PSD4: variants seen among roughly 807,000 people sequenced by gnomAD.
PSD4 encodes pleckstrin and Sec7 domain containing 4, also known as PH and SEC7 domain-containing protein 4.
Under a neutral mutation model 112.5 loss-of-function variants are expected in PSD4, and 59 were observed. The ratio of observed to expected loss-of-function variants is 0.52; its 90% CI spans 0.43 to 0.65. The LOEUF (loss-of-function observed/expected upper bound fraction) is 0.65, where lower values mean the gene tolerates loss of function less well. PSD4 is among the 30% of genes least tolerant of loss of function. The pLI is 0.00. For synonymous variants in PSD4, 533 were observed against 540.0 expected (o/e 0.99, Z 0.18); for missense variants, 1,267 against 1,352.6 (o/e 0.94, Z 0.99).
chr2:113,177,715 A>T (rs114851631), intron 1 of PSD4, among the ~76,000 whole-genome samples: 6 of 152,328 alleles, frequency 3.9e-5, no homozygotes, highest in African/African-American at 1.2e-4. Context: ...TTGACAAATC[A>T]GTTACATAAT....
chr2:113,183,479 T>C lies in PSD4; in HGVS notation c.1023T>C (p.Ala341=). 6.3e-7 allele frequency: 1 copy of C among 1,589,412 alleles called. No homozygotes were observed. The highest frequency in any genetic ancestry group is 8.6e-7 in the Non-Finnish European group (1 of 1,169,076). Residue 341 remains alanine (A), a synonymous_variant, in exon 2 of 17, where the codon GCT becomes GCC. Transcript: ENST00000245796. ...CWASVAAAEG[A]PAAPPGHGES... is the part of the protein sequence containing the mutation. ...CCTCAGTGGCTGCCGCTGAGGGGGCTCCTGCAGCACCTCCTGGTCACGGGG... is the reference window on the plus strand; with the variant it reads ...CCTCAGTGGCTGCCGCTGAGGGGGCCCCTGCAGCACCTCCTGGTCACGGGG...
intron 10 of PSD4, among the ~76,000 whole-genome samples, chr2:113,194,928 G>C (rs891214445): frequency 3.3e-5 from 5 of 152,138 alleles, no homozygotes; most frequent in Non-Finnish European, 1.5e-5. Flanking sequence ...CTTTTTGCTA[G>C]GCACCGCAAG....
Position 113,186,009 on chromosome 2 carries a change from G to A in PSD4, c.1382G>A (p.Ser461Asn). The change falls in exon 5 of 17, where the codon AGC (serine) becomes AAC (asparagine). Residue 461 changes from serine (S) to asparagine (N), a missense_variant. Around this residue, in one of 2 missense-constraint regions of PSD4, gnomAD observed 723 missense variants for 704.0 expected, o/e 1.03. Coordinates refer to ENST00000245796, the MANE Select transcript of PSD4 (RefSeq NM_012455.3). ...SESRGPGPRP[S>N]PASSQEGSPQ... ...AGCAGAGGCCCTGGTCCCAGGCCCA[G>A]CCCTGCATCGTCCCAGGAGGGCAGC... The A allele has an allele frequency of 6.2e-7, 1 of 1,614,192 alleles. No individual in the cohort carries two copies. The highest frequency in any genetic ancestry group is 8.5e-7 in the Non-Finnish European group (1 of 1,179,998).
intron 1 of PSD4, among the ~76,000 whole-genome samples, chr2:113,175,719 C>T (rs1038344864): frequency 6.6e-5 from 10 of 152,176 alleles, no homozygotes; most frequent in East Asian, 1.9e-4. Flanking sequence ...AGGCACCCTC[C>T]GGATGAAGGT....
intron 1 of PSD4, among the ~76,000 whole-genome samples, chr2:113,179,905 G>A (rs1230030519): frequency 1.3e-5 from 2 of 152,204 alleles, no homozygotes; most frequent in African/African-American, 4.8e-5. Context: ...AGAATCCTGA[G>A]GGTGTCATCC....
intron 16 of PSD4, among the ~76,000 whole-genome samples, chr2:113,200,120 C>T (rs1007377443): frequency 1.6e-5 from 2 of 125,584 alleles, no homozygotes; most frequent in African/African-American, 2.6e-5. Context: ...TCCACTGCCC[C>T]GGCCAGTAAT....
Position 113,201,385 on chromosome 2 carries a change from C to T in PSD4, c.3141C>T (p.Ile1047=). The T allele has an allele frequency of 1.2e-6, 2 of 1,614,114 alleles. No individual in the cohort carries two copies. The highest frequency in any genetic ancestry group is 8.5e-7 in the Non-Finnish European group (1 of 1,180,032). Residue 1047 remains isoleucine, a synonymous_variant, in exon 17 of 17, where the codon ATC becomes ATT. Coordinates refer to ENST00000245796, the MANE Select transcript of PSD4 (RefSeq NM_012455.3). ...CAGAGCGCAGAACCTACCGGAAGAT[C>T]ATCCCTAAGCGGAACCGCAATCAGC... is the stretch of plus-strand genomic sequence containing the variant. ...NISERRTYRK[I]IPKRNRNQL is the part of the protein sequence containing the mutation.
At chr2:113,175,767 T>C (rs1687957306) in intron 1 of PSD4, among the ~76,000 whole-genome samples, 1 of 152,238 alleles carries the variant, frequency 6.6e-6, no homozygotes, top group Non-Finnish European at 1.5e-5. Flanking sequence ...GAGCTGAGCC[T>C]GACCAGGAGG....
rs1441348720 is a variant in PSD4, at chr2:113,193,901, C to A, written c.2134C>A (p.Leu712Met). 1.9e-6 allele frequency: 3 copies of A among 1,614,114 alleles called. No individual in the cohort carries two copies. Among genetic ancestry groups the A allele is most frequent in the Non-Finnish European group, 2.5e-6 (3 of 1,180,012 alleles). Residue 712 changes from leucine to methionine, a missense_variant, in exon 10 of 17, where the codon CTG (leucine) becomes ATG (methionine). Transcript: ENST00000245796. ...SMSCQEFITN[L>M]NGLRDGGNFP... ...GAGCTGCCAGGAATTCATAACCAAC[C>A]TGAATGGGCTGAGGGATGGCGGGAA...
Position 113,183,117 on chromosome 2 carries a change from G to C in PSD4, c.661G>C (p.Glu221Gln). The change falls in exon 2 of 17, where the codon GAG (glutamate) becomes CAG (glutamine). Residue 221 changes from glutamate to glutamine, a missense_variant. Coordinates refer to ENST00000245796, the MANE Select transcript of PSD4 (RefSeq NM_012455.3). Reference sequence around the variant, plus strand: ...GGAAGACAGCAGTGAGCCTGAGGGAGAGGGCCAGGCATGGCTGAGAGAGGG... The same window carrying C: ...GGAAGACAGCAGTGAGCCTGAGGGACAGGGCCAGGCATGGCTGAGAGAGGG... ...SGEDSSEPEG[E>Q]GQAWLREGTP... 6.2e-7 allele frequency: 1 copy of C among 1,613,944 alleles called. No individual in the cohort carries two copies. The highest frequency in any genetic ancestry group is 1.7e-5 in the Admixed American group (1 of 60,018).
chr2:113,182,879 G>A lies in PSD4; in HGVS notation c.423G>A (p.Pro141=), dbSNP rs778911782. Residue 141 remains proline, a synonymous_variant, in exon 2 of 17, where the codon CCG becomes CCA. Transcript: ENST00000245796. ...GGTCACCAGTGAACAGCCATCTACC[G>A]GGGAGCCCAAAGCAGAACCGGAGCA... is the stretch of plus-strand genomic sequence containing the variant. ...SPGSPVNSHL[P]GSPKQNRSTS... 26 of 1,614,200 alleles carry A rather than the reference G, an allele frequency of 1.6e-5. No individual in the cohort carries two copies. Among genetic ancestry groups the A allele is most frequent in the East Asian group, 8.9e-5 (4 of 44,876 alleles).
intron 1 of PSD4, among the ~76,000 whole-genome samples, chr2:113,177,359 TTGTC>T (rs1369075605): frequency 6.6e-6 from 1 of 152,222 alleles, no homozygotes; most frequent in East Asian, 1.9e-4. Flanking sequence ...GTCTCTCCAT[TTGTC>T]TGTCCATTCA....
At chr2:113,181,298 C>T (rs1688132138) in intron 1 of PSD4, among the ~76,000 whole-genome samples, 1 of 152,048 alleles carries the variant, frequency 6.6e-6, no homozygotes, top group African/African-American at 2.4e-5. Context: ...GTACTTGACC[C>T]TGCACTTCCA....
intron 14 of PSD4, 126 bp from the exon 15 acceptor site, chr2:113,198,614 C>G: frequency 1.7e-6 from 2 of 1,183,782 alleles, no homozygotes; most frequent in Non-Finnish European, 1.1e-6. Context: ...AGTGGCAGGG[C>G]TGTAACTATG....
Position 113,194,068 on chromosome 2 carries a change from C to T in PSD4, c.2181+120C>T, listed in dbSNP as rs1445779838. ...CCAAAATATCCTTGAGAGAACAGGA[C>T]TTGTTTATTGAAGGGCTAGTAAAAG... On this transcript the variant is annotated intron_variant, in intron 10 of 16. Transcript: ENST00000245796. 9.9e-6 allele frequency: 9 copies of T among 909,346 alleles called. No individual in the cohort carries two copies. The African/African-American group carries it at 1.3e-4, about 14-fold the overall frequency. 56.3% of individuals were successfully genotyped at this position (909,346 alleles called of 1,614,324 possible).
rs767782826 is a variant in PSD4 at position 113,205,758 on chromosome 2, A to G, written c.*4343A>G. 2.0e-5 allele frequency: 3 copies of G among 152,276 alleles called. No homozygotes were observed. Among genetic ancestry groups the G allele is most frequent in the Non-Finnish European group, 4.4e-5 (3 of 68,044 alleles). 9.4% of individuals were successfully genotyped at this position (152,276 alleles called of 1,614,324 possible). ...TCTGAAATTATTTCAAAATAAATAC[A>G]AAAAGAAAAAAAGGCAATATCCCAG... On this transcript the variant is annotated 3_prime_UTR_variant, in exon 17 of 17. Coordinates refer to ENST00000245796, the MANE Select transcript of PSD4 (RefSeq NM_012455.3).
chr2:113,185,826 C>A, intron 4 of PSD4, 51 bp from the exon 5 acceptor site: 2 of 1,574,486 alleles, frequency 1.3e-6, no homozygotes, highest in Non-Finnish European at 1.7e-6. Context: ...GTGCCCAGGC[C>A]GTTCTCCTGC....
Position 113,183,407 on chromosome 2 carries a change from C to T in PSD4, c.951C>T (p.Thr317=). The T allele has an allele frequency of 6.4e-7, 1 of 1,568,728 alleles. No individual in the cohort carries two copies. The highest frequency in any genetic ancestry group is 2.2e-5 in the East Asian group (1 of 44,580). ...GDGAAISGHC[T]PPFPVPIYKP... is the part of the protein sequence containing the mutation. ...GCGCTGCTATCAGTGGGCATTGTAC[C>T]CCTCCATTCCCTGTGCCCATCTATA... is the stretch of plus-strand genomic sequence containing the variant. Residue 317 remains threonine, a synonymous_variant, in exon 2 of 17, where the codon ACC becomes ACT. Coordinates refer to ENST00000245796, the MANE Select transcript of PSD4 (RefSeq NM_012455.3).
At chr2:113,200,708 C>T (rs1241765062) in intron 16 of PSD4, among the ~76,000 whole-genome samples, 2 of 152,206 alleles carry the variant, frequency 1.3e-5, no homozygotes, top group Non-Finnish European at 2.9e-5. Context: ...GCAGGGGCCT[C>T]AGGAGTACAG....
Sources: allele counts gnomAD v4.1 joint callset (sites outside exome capture counted in the v4.1 genomes callset), GRCh38; gene constraint gnomAD v4.1.1; regional missense constraint gnomAD v4.1.1; transcripts MANE v1.5; gene names NCBI Gene and HGNC (gene_info 2026-07-23, HGNC 2026-07-21).